PDE10A: variants seen among roughly 807,000 people sequenced by gnomAD.
PDE10A encodes the protein cAMP and cAMP-inhibited cGMP 3',5'-cyclic phosphodiesterase 10A.
Under a neutral mutation model 97.7 loss-of-function variants are expected in PDE10A, and 39 were observed. The ratio of observed to expected loss-of-function variants is 0.40; its 90% CI spans 0.31 to 0.52. The LOEUF (loss-of-function observed/expected upper bound fraction) is 0.52, where lower values mean the gene tolerates loss of function less well. PDE10A is among the 20% of genes least tolerant of loss of function. The probability of loss-of-function intolerance (pLI) is 0.56; values close to 1 mark genes in which losing one functional copy is unlikely to be tolerated. For missense variants in PDE10A, 731 were observed against 1,047.8 expected, an observed-to-expected ratio of 0.70 and a Z score of 4.17; for synonymous variants, 371 against 376.8, an observed-to-expected ratio of 0.98 and a Z score of 0.18.
intron 1 of PDE10A, among the ~76,000 whole-genome samples, chr6:165,843,165 C>T (rs376361354): frequency 4.6e-5 from 7 of 152,186 alleles, no homozygotes; most frequent in East Asian, 1.9e-4. Context: ...TCCCAGGTCC[C>T]GTCTAAGGCT....
intron 1 of PDE10A, among the ~76,000 whole-genome samples, chr6:165,943,262 G>A (rs1230410681): frequency 0.073 from 5,691 of 77,920 alleles, 780 homozygotes; most frequent in African/African-American, 0.12. Context: ...AAGGAAGGAA[G>A]GAAGGAAGGA....
chr6:165,795,666 C>T (rs995126235), intron 1 of PDE10A, among the ~76,000 whole-genome samples: 1 of 152,038 alleles, frequency 6.6e-6, no homozygotes, highest in Admixed American at 6.6e-5. Context: ...GCAGAAGAAT[C>T]GCTTGAACTC....
chr6:165,900,865 A>G (rs1782085781), intron 1 of PDE10A, among the ~76,000 whole-genome samples: 1 of 152,180 alleles, frequency 6.6e-6, no homozygotes, highest in African/African-American at 2.4e-5. Flanking sequence ...AAAATATACG[A>G]TGTTCCCTGA....
intron 1 of PDE10A, among the ~76,000 whole-genome samples, chr6:165,652,111 T>A (rs1240883298): frequency 6.6e-6 from 1 of 152,234 alleles, no homozygotes; most frequent in Non-Finnish European, 1.5e-5. Context: ...AAGCAGAGTA[T>A]AGTCCTAAAA....
chr6:165,865,829 A>C (rs1781027269), intron 1 of PDE10A, among the ~76,000 whole-genome samples: 1 of 152,168 alleles, frequency 6.6e-6, no homozygotes, highest in Admixed American at 6.5e-5. Context: ...GAGTTCCACA[A>C]GAAGAGATGA....
At chr6:165,537,064 T>TGGATAAAGAAAATGTGATATATACAAAA (rs1418995529) in intron 2 of PDE10A, among the ~76,000 whole-genome samples, 61 of 152,026 alleles carry the variant, frequency 4.0e-4, no homozygotes, top group Non-Finnish European at 1.3e-4. Flanking sequence ...AATGGGTGAA[T>TGGATAAAGAAAATGTGATATATACAAAA]GGATAAAGAA....
chr6:165,726,167 GT>G (rs1792289829), intron 1 of PDE10A, among the ~76,000 whole-genome samples: 3 of 152,122 alleles, frequency 2.0e-5, no homozygotes, highest in African/African-American at 7.2e-5. Flanking sequence ...GAATTAAGGG[GT>G]TTCCGGGAGC....
At chr6:165,877,753 T>C (rs576275369) in intron 1 of PDE10A, among the ~76,000 whole-genome samples, 1 of 152,314 alleles carries the variant, frequency 6.6e-6, no homozygotes, top group South Asian at 2.1e-4. Context: ...AAATTAAATA[T>C]AATAATAACT....
At chr6:165,626,466 C>G (rs1788391297) in intron 1 of PDE10A, among the ~76,000 whole-genome samples, 1 of 152,074 alleles carries the variant, frequency 6.6e-6, no homozygotes, top group Non-Finnish European at 1.5e-5. Flanking sequence ...TAATAAGTAA[C>G]AGGAAATAAC....
At chr6:165,497,146 AAATC>A (rs1286964040) in intron 2 of PDE10A, among the ~76,000 whole-genome samples, 4 of 152,206 alleles carry the variant, frequency 2.6e-5, no homozygotes, top group African/African-American at 9.6e-5. Flanking sequence ...AAAAAAAGGA[AAATC>A]AATCACTTTC....
At chr6:165,928,535 C>T (rs1783018774) in intron 1 of PDE10A, among the ~76,000 whole-genome samples, 1 of 152,168 alleles carries the variant, frequency 6.6e-6, no homozygotes, top group Non-Finnish European at 1.5e-5. Flanking sequence ...TCCAACCTTG[C>T]TATTCATCTG....
Position 165,451,875 on chromosome 6 carries a change from T to C in PDE10A, c.1024-1513A>G, listed in dbSNP as rs79830244. ...TACGTAAATAAGGCAGGTTTTTATATGAGAGCACCTACTTGGGTTCAGTAT... is the reference window on the plus strand; with the variant it reads ...TACGTAAATAAGGCAGGTTTTTATACGAGAGCACCTACTTGGGTTCAGTAT... On this transcript the variant is annotated intron_variant, in intron 3 of 21. Coordinates refer to ENST00000539869, the MANE Select transcript of PDE10A (RefSeq NM_001385079.1). Among the ~76,000 whole-genome samples the C allele has an allele frequency of 3.0e-3, 458 of 152,312 alleles. 5 individuals are homozygous for C. Among genetic ancestry groups the C allele is most frequent in the African/African-American group, 0.011 (444 of 41,564 alleles).
At chr6:165,396,549 A>C (rs766551162) in intron 13 of PDE10A, 90 bp from the exon 14 acceptor site, 15 of 1,300,624 alleles carry the variant, frequency 1.2e-5, no homozygotes, top group Non-Finnish European at 1.6e-5. Context: ...GTATTAAAGA[A>C]TCAGAACTAG....
At chr6:165,642,129 T>A (rs1281329498) in intron 1 of PDE10A, among the ~76,000 whole-genome samples, 1 of 152,176 alleles carries the variant, frequency 6.6e-6, no homozygotes. Context: ...TAAAGATGTC[T>A]CCTACCCTTC....
chr6:165,436,097 C>T (rs1279577231), intron 5 of PDE10A, among the ~76,000 whole-genome samples: 2 of 152,120 alleles, frequency 1.3e-5, no homozygotes, highest in Non-Finnish European at 2.9e-5. Context: ...AGAATTGCTA[C>T]TTTAATCATG....
At chr6:165,815,681 C>T (rs893500951) in intron 1 of PDE10A, among the ~76,000 whole-genome samples, 1 of 152,034 alleles carries the variant, frequency 6.6e-6, no homozygotes, top group African/African-American at 2.4e-5. Flanking sequence ...CTGGTTTTTC[C>T]CCCCATGGCT....
chr6:165,747,753 G>T (rs1792875327), intron 1 of PDE10A, among the ~76,000 whole-genome samples: 1 of 152,150 alleles, frequency 6.6e-6, no homozygotes, highest in African/African-American at 2.4e-5. Context: ...TGGGCAGCTG[G>T]GCAGGACCTG....
At chr6:165,673,751 C>T (rs1475493326) in intron 1 of PDE10A, among the ~76,000 whole-genome samples, 2 of 152,166 alleles carry the variant, frequency 1.3e-5, no homozygotes, top group African/African-American at 4.8e-5. Flanking sequence ...CAGAGTTTTT[C>T]CCTGAGTTGA....
At chr6:165,528,656 T>C (rs1339449294) in intron 2 of PDE10A, among the ~76,000 whole-genome samples, 1 of 152,332 alleles carries the variant, frequency 6.6e-6, no homozygotes, top group East Asian at 1.9e-4. Context: ...GAATGCTTTA[T>C]CCACCATCAT....
Sources: allele counts gnomAD v4.1 joint callset (sites outside exome capture counted in the v4.1 genomes callset), GRCh38; gene constraint gnomAD v4.1.1; transcripts MANE v1.5; gene names NCBI Gene and HGNC (gene_info 2026-07-23, HGNC 2026-07-21).